The following LUC7L variants were observed in gnomAD, a reference collection of about 807,000 sequenced individuals.
The protein encoded by LUC7L is LUC7 like, also known as putative RNA-binding protein Luc7-like 1.
A neutral mutation model predicts 51.1 loss-of-function variants in LUC7L; 29 were observed. The observed-to-expected ratio is 0.57, with a 90% CI of 0.42 to 0.77. The LOEUF (loss-of-function observed/expected upper bound fraction) is 0.77, where lower values mean the gene tolerates loss of function less well. Ranked by LOEUF, LUC7L falls within the 30% of genes least tolerant of loss-of-function variation. The pLI is 0.00. For synonymous variants in LUC7L, 181 were observed against 180.7 expected, an observed-to-expected ratio of 1.00 and a Z score of -0.01; for missense variants, 403 against 511.9, an observed-to-expected ratio of 0.79 and a Z score of 2.05.
At chr16:196,551 A>G (rs1351008195) in intron 6 of LUC7L, among the ~76,000 whole-genome samples, 4 of 152,102 alleles carry the variant, frequency 2.6e-5, no homozygotes, top group African/African-American at 9.7e-5. Context: ...TCTTTAAGAC[A>G]AAGTCTCACT....
At chr16:192,566 C>T (rs1398821747) in intron 7 of LUC7L, among the ~76,000 whole-genome samples, 4 of 148,850 alleles carry the variant, frequency 2.7e-5, no homozygotes, top group African/African-American at 7.5e-5. Flanking sequence ...TGCAGTGGCA[C>T]GATCTCGGCT....
intron 1 of LUC7L, chr16:227,735 TTAATC>T (rs2050166171): frequency 9.8e-7 from 1 of 1,015,336 alleles, no homozygotes. Context: ...AAGCTACTTA[TTAATC>T]TAATCTTTTT....
At chr16:225,837 TCTCA>T (rs2050118011) in intron 2 of LUC7L, among the ~76,000 whole-genome samples, 1 of 151,528 alleles carries the variant, frequency 6.6e-6, no homozygotes. Context: ...AAAGAAATAC[TCTCA>T]CTCAGATTAT....
chr16:222,003 G>A (rs558107940), intron 2 of LUC7L, among the ~76,000 whole-genome samples: 4 of 152,238 alleles, frequency 2.6e-5, no homozygotes, highest in East Asian at 1.9e-4. Context: ...AGTGAGGACA[G>A]ATAATTGTCC....
intron 2 of LUC7L, among the ~76,000 whole-genome samples, chr16:225,826 A>G (rs573384340): frequency 6.6e-6 from 1 of 151,440 alleles, no homozygotes; most frequent in Non-Finnish European, 1.5e-5. Flanking sequence ...AAAAGAAAAG[A>G]AAAGAAATAC....
chr16:200,815 G>C (rs766311416), intron 5 of LUC7L, among the ~76,000 whole-genome samples: 22 of 152,190 alleles, frequency 1.4e-4, no homozygotes, highest in Admixed American at 1.1e-3. Flanking sequence ...CCAGGAGGTT[G>C]AAGGGGCAGT....
At position 229,373 on chromosome 16, in the gene LUC7L, C is replaced by T; in HGVS notation, c.-34G>A. 6.7e-7 allele frequency: 1 copy of T among 1,483,814 alleles called. No homozygotes were observed. Among genetic ancestry groups the T allele is most frequent in the Non-Finnish European group, 9.0e-7 (1 of 1,116,444 alleles). The allele number at this position is 1,483,814 out of a possible 1,614,324, so 91.9% of individuals were successfully genotyped here. ...GCGGAGGCGACGGGGTCGGCCGCGA[C>T]GACTTCTCTCAGGCAGGCGGTGGCA... On this transcript the variant is annotated 5_prime_UTR_variant, in exon 1 of 10. Coordinates refer to ENST00000293872, the MANE Select transcript of LUC7L (RefSeq NM_201412.3).
At chr16:217,444 C>T (rs187668706) in intron 3 of LUC7L, among the ~76,000 whole-genome samples, 2 of 152,268 alleles carry the variant, frequency 1.3e-5, no homozygotes, top group Non-Finnish European at 2.9e-5. Context: ...CAGTGGCTCA[C>T]GCCTGTAATC....
In LUC7L at chr16:191,573, G is replaced by A. The variant is rs578106151; in HGVS notation, c.777-1003C>T. Among the ~76,000 whole-genome samples the A allele has an allele frequency of 1.1e-3, 169 of 152,306 alleles. 1 individual carries two copies. Among genetic ancestry groups the A allele is most frequent in the African/African-American group, 3.9e-3 (162 of 41,590 alleles). ...CTGGTAAAACAACAAACGGCCGGGC[G>A]TGGTGGCTCACGCTTGTAATCCCAG... On this transcript the variant is annotated intron_variant, in intron 7 of 9. Coordinates refer to ENST00000293872, the MANE Select transcript of LUC7L (RefSeq NM_201412.3).
In LUC7L at chr16:229,347, G is replaced by T; in HGVS notation, c.-8C>A. 6.7e-7 allele frequency: 1 copy of T among 1,498,872 alleles called. No homozygotes were observed. The highest frequency in any genetic ancestry group is 8.9e-7 in the Non-Finnish European group (1 of 1,127,102). The allele number at this position is 1,498,872 out of a possible 1,614,324, so 92.8% of individuals were successfully genotyped here. ...CTGCGCCTGGGCGGACATGGTAGCCGGCGGAGGCGACGGGGTCGGCCGCGA... is the reference window on the plus strand; with the variant it reads ...CTGCGCCTGGGCGGACATGGTAGCCTGCGGAGGCGACGGGGTCGGCCGCGA... On this transcript the variant is annotated 5_prime_UTR_variant, in exon 1 of 10. Coordinates refer to ENST00000293872, the MANE Select transcript of LUC7L (RefSeq NM_201412.3).
chr16:211,324 G>A (rs764851501), intron 3 of LUC7L, among the ~76,000 whole-genome samples: 1 of 152,076 alleles, frequency 6.6e-6, no homozygotes, highest in Non-Finnish European at 1.5e-5. Context: ...AGGTTAATTC[G>A]CCTTACGAGG....
At chr16:218,031 A>G (rs1051368566) in intron 3 of LUC7L, among the ~76,000 whole-genome samples, 3 of 151,414 alleles carry the variant, frequency 2.0e-5, no homozygotes, top group Non-Finnish European at 4.4e-5. Flanking sequence ...ATCTCCAAAA[A>G]AAAAAAAAAA....
At chr16:228,618 T>C (rs1242605123) in intron 1 of LUC7L, 2 of 1,186,076 alleles carry the variant, frequency 1.7e-6, no homozygotes, top group Admixed American at 3.8e-5. Context: ...CCACAGCAGG[T>C]ATATAGTTTT....
intron 7 of LUC7L, among the ~76,000 whole-genome samples, chr16:191,206 C>A (rs994918454): frequency 1.3e-5 from 2 of 152,184 alleles, no homozygotes; most frequent in African/African-American, 2.4e-5. Flanking sequence ...CCAGTCTTTA[C>A]AACAGACACC....
At chr16:219,924 T>C (rs1048613197) in intron 3 of LUC7L, among the ~76,000 whole-genome samples, 1 of 151,350 alleles carries the variant, frequency 6.6e-6, no homozygotes, top group African/African-American at 2.4e-5. Flanking sequence ...TACTGAGTAC[T>C]AAAAAAATGC....
intron 6 of LUC7L, among the ~76,000 whole-genome samples, chr16:195,040 G>A (rs761675579): frequency 1.3e-4 from 20 of 152,278 alleles, no homozygotes; most frequent in Middle Eastern, 6.8e-3. Context: ...GCAGAGCTGG[G>A]TGACTGGTAT....
At chr16:190,513 GA>G (rs1312777042) in intron 8 of LUC7L, 27 bp downstream of exon 8, 1 of 1,610,662 alleles carries the variant, frequency 6.2e-7, no homozygotes, top group Non-Finnish European at 8.5e-7. Flanking sequence ...AAAAATTTGA[GA>G]ACATTTTAAT....
At chr16:212,051 T>A (rs1346413284) in intron 3 of LUC7L, among the ~76,000 whole-genome samples, 2 of 152,024 alleles carry the variant, frequency 1.3e-5, no homozygotes, top group African/African-American at 2.4e-5. Context: ...CCTAGCACTT[T>A]GGGAGGCTGA....
intron 7 of LUC7L, 68 bp from the exon 8 acceptor site, chr16:190,638 G>C: frequency 6.9e-7 from 1 of 1,459,694 alleles, no homozygotes; most frequent in Non-Finnish European, 9.6e-7. Flanking sequence ...CCAGCACTTC[G>C]GGGAGGCCTA....
Sources: gnomAD v4.1 joint callset for allele counts (sites outside exome capture counted in the v4.1 genomes callset) on GRCh38, gnomAD v4.1.1 for gene constraint, MANE v1.5 for transcripts, NCBI Gene and HGNC (gene_info 2026-07-23, HGNC 2026-07-21) for gene names.